PHYH: variants seen among roughly 807,000 people sequenced by gnomAD.
PHYH encodes phytanoyl-CoA 2-hydroxylase, also known as phytanoyl-CoA dioxygenase, peroxisomal.
A neutral mutation model predicts 38.5 loss-of-function variants in PHYH; 32 were observed. The observed-to-expected ratio is 0.83, with a 90% CI of 0.63 to 1.12. The LOEUF (loss-of-function observed/expected upper bound fraction) is 1.12, where lower values mean the gene tolerates loss of function less well. Among genes scored for constraint, PHYH ranks in the 50% most tolerant of loss-of-function variants. The pLI, the probability that PHYH is intolerant of heterozygous loss-of-function variation, is 0.00. For missense variants in PHYH, 426 were observed against 434.8 expected (o/e 0.98, Z 0.18); for synonymous variants, 166 against 157.9 (o/e 1.05, Z -0.38).
At chr10:13,295,297 C>G in intron 3 of PHYH, 199 bp downstream of exon 3, 1 of 561,936 alleles carries the variant, frequency 1.8e-6, no homozygotes, top group Non-Finnish European at 3.2e-6. Context: ...CCACTGCACT[C>G]AGCCTACACA....
chr10:13,286,211 T>G (rs1588509372), intron 6 of PHYH, among the ~76,000 whole-genome samples: 1 of 152,280 alleles, frequency 6.6e-6, no homozygotes, highest in East Asian at 1.9e-4. Flanking sequence ...TTAATAGTCA[T>G]CTCTCTGGTT....
Position 13,278,323 on chromosome 10 carries a change from T to G in PHYH, c.995A>C (p.Lys332Thr). ...DIWMFRARLV[K>T]GERTNL ...ATTTCAAAGATTGGTTCTTTCTCCT[T>G]TCACAAGTCGAGCTCGAAACATCCA... The change falls in exon 9 of 9, where the codon AAA becomes ACA. Residue 332 changes from lysine to threonine, a missense_variant. By Grantham distance (78) the Lys-to-Thr change is moderately conservative. Coordinates refer to ENST00000263038, the MANE Select transcript of PHYH (RefSeq NM_006214.4). 6.2e-7 allele frequency: 1 copy of G among 1,612,818 alleles called. No individual in the cohort carries two copies. Among genetic ancestry groups the G allele is most frequent in the East Asian group, 2.2e-5 (1 of 44,834 alleles).
At chr10:13,279,039 C>T (rs1183740769) in intron 8 of PHYH, among the ~76,000 whole-genome samples, 3 of 151,846 alleles carry the variant, frequency 2.0e-5, no homozygotes, top group African/African-American at 7.3e-5. Context: ...GCTCTTGTTG[C>T]CCAGGCTGGA....
chr10:13,299,360 C>T (rs921457993), intron 1 of PHYH: 1 of 881,952 alleles, frequency 1.1e-6, no homozygotes, highest in African/African-American at 1.8e-5. Context: ...GACTCCTGGC[C>T]TTGGCCCCCA....
chr10:13,298,437 A>T (rs1315456934), intron 1 of PHYH, among the ~76,000 whole-genome samples, 192 bp from the exon 2 acceptor site: 1 of 152,114 alleles, frequency 6.6e-6, no homozygotes, highest in East Asian at 1.9e-4. Flanking sequence ...GCGGTGGCTC[A>T]CGTTTGTAAT....
At chr10:13,279,228 C>T (rs911292999) in intron 8 of PHYH, among the ~76,000 whole-genome samples, 1 of 152,038 alleles carries the variant, frequency 6.6e-6, no homozygotes, top group Non-Finnish European at 1.5e-5. Flanking sequence ...AAACTCCTGA[C>T]CTCAGGTGAT....
At chr10:13,280,922 T>C (rs1835394465) in intron 8 of PHYH, 54 bp downstream of exon 8, 2 of 1,528,886 alleles carry the variant, frequency 1.3e-6, no homozygotes, top group African/African-American at 1.4e-5. Context: ...TTATGAAGCA[T>C]CTGAAGAAAA....
Position 13,294,535 on chromosome 10 carries a change from C to G in PHYH, c.307G>C (p.Asp103His). 1.2e-6 allele frequency: 2 copies of G among 1,613,748 alleles called. No individual in the cohort carries two copies. Among genetic ancestry groups the G allele is most frequent in the South Asian group, 2.2e-5 (2 of 91,082 alleles). ...TATTCGGATTTCGAAATGGTCACAT[C>G]TCTCATTACTGTTAATCCTAATGGT... ...VKPLGLTVMR[D>H]VTISKSEYAP... Residue 103 changes from aspartate to histidine, a missense_variant, in exon 4 of 9, where the codon GAT becomes CAT. Coordinates refer to ENST00000263038, the MANE Select transcript of PHYH (RefSeq NM_006214.4).
chr10:13,280,888 T>C, intron 8 of PHYH, 88 bp downstream of exon 8: 1 of 1,263,056 alleles, frequency 7.9e-7, no homozygotes, highest in Non-Finnish European at 1.2e-6. Context: ...CACTATATAC[T>C]GTCAAATAAA....
chr10:13,278,445 C>A, intron 8 of PHYH, 91 bp from the exon 9 acceptor site: 1 of 890,860 alleles, frequency 1.1e-6, no homozygotes. Flanking sequence ...AAATTGATTT[C>A]TAGCTTCTAT....
rs747538451 is a variant in PHYH at position 13,294,419 on chromosome 10, G to T, written c.414+9C>A. On this transcript the variant is annotated intron_variant, in intron 4 of 8. Transcript: ENST00000263038. ...ATTAAGCCGACGCAAAGCAAGGGTGGTCTCTGACCTCGGGGAGAGTGCAGT... is the reference window on the plus strand; with the variant it reads ...ATTAAGCCGACGCAAAGCAAGGGTGTTCTCTGACCTCGGGGAGAGTGCAGT... 1.9e-6 allele frequency: 3 copies of T among 1,613,648 alleles called. No individual in the cohort carries two copies. In the South Asian group the frequency reaches 3.3e-5, roughly 18 times the overall value.
intron 1 of PHYH, 58 bp downstream of exon 1, chr10:13,299,910 C>T: frequency 2.7e-6 from 4 of 1,488,166 alleles, no homozygotes; most frequent in Non-Finnish European, 1.8e-6. Context: ...AGGGCCACCA[C>T]TCAGGCGGCG....
chr10:13,289,735 C>T (rs905870946), intron 5 of PHYH, among the ~76,000 whole-genome samples: 2 of 151,584 alleles, frequency 1.3e-5, no homozygotes, highest in Non-Finnish European at 2.9e-5. Flanking sequence ...AATTTGAGAC[C>T]AGCCTGGCCA....
chr10:13,295,909 T>C (rs1835837254), intron 2 of PHYH, among the ~76,000 whole-genome samples: 1 of 151,564 alleles, frequency 6.6e-6, no homozygotes, highest in African/African-American at 2.4e-5. Flanking sequence ...GGCTCATGCC[T>C]ATAATCCCAG....
At chr10:13,280,166 A>C (rs1835379411) in intron 8 of PHYH, among the ~76,000 whole-genome samples, 1 of 152,006 alleles carries the variant, frequency 6.6e-6, no homozygotes, top group African/African-American at 2.4e-5. Flanking sequence ...ACGGGGTTTC[A>C]CCATGTTGGC....
Position 13,294,467 on chromosome 10 carries a change from C to T in PHYH, c.375G>A (p.Gln125=), listed in dbSNP as rs1281172346. Residue 125 remains glutamine, a synonymous_variant, in exon 4 of 9, where the codon CAG becomes CAA. Coordinates refer to ENST00000263038, the MANE Select transcript of PHYH (RefSeq NM_006214.4). ...AGTATCTGAAGAGCTCCTTATCTTC[C>T]TGGAAATCCTGGACCTTCGTGATCA... ...EKMITKVQDF[Q]EDKELFRYCT... is the part of the protein sequence containing the mutation. The T allele has an allele frequency of 8.1e-6, 13 of 1,614,016 alleles. No homozygotes were observed. Among genetic ancestry groups the T allele is most frequent in the Non-Finnish European group, 1.0e-5 (12 of 1,180,026 alleles).
At chr10:13,279,203 G>A (rs984171813) in intron 8 of PHYH, among the ~76,000 whole-genome samples, 3 of 152,038 alleles carry the variant, frequency 2.0e-5, no homozygotes, top group Non-Finnish European at 4.4e-5. Flanking sequence ...TCACCATGTT[G>A]GTAAGGCTGG....
chr10:13,292,108 T>C (rs959569499), intron 4 of PHYH, among the ~76,000 whole-genome samples, 196 bp from the exon 5 acceptor site: 13 of 152,166 alleles, frequency 8.5e-5, no homozygotes, highest in African/African-American at 3.1e-4. Context: ...TAACACGGAA[T>C]GAAATGGGCT....
In PHYH at chr10:13,295,871, G is replaced by C. The variant is rs917421763; in HGVS notation, c.135-265C>G. Among the ~76,000 whole-genome samples the C allele has an allele frequency of 4.0e-5, 6 of 150,416 alleles. 1 individual carries two copies. The highest frequency in any genetic ancestry group is 1.5e-4 in the African/African-American group (6 of 40,830). Reference sequence around the variant, plus strand: ...AATTTAAATTACATCCTAAAAATATGTATCAAGAACCTGAGGCTAGGCGTG... The same window carrying C: ...AATTTAAATTACATCCTAAAAATATCTATCAAGAACCTGAGGCTAGGCGTG... On this transcript the variant is annotated intron_variant, in intron 2 of 8. Transcript: ENST00000263038.
Sources: allele counts gnomAD v4.1 joint callset (sites outside exome capture counted in the v4.1 genomes callset), GRCh38; gene constraint gnomAD v4.1.1; transcripts MANE v1.5; gene names NCBI Gene and HGNC (gene_info 2026-07-23, HGNC 2026-07-21).